The following NUBPL variants were observed in gnomAD, a reference collection of about 807,000 sequenced individuals.
NUBPL encodes NUBP iron-sulfur cluster assembly factor, mitochondrial, also known as iron-sulfur cluster transfer protein NUBPL.
In NUBPL, 31 loss-of-function variants were observed where a neutral mutation model predicts 45.7. The ratio of observed to expected loss-of-function variants is 0.68; its 90% CI spans 0.51 to 0.92. The LOEUF is 0.92. Among genes scored for constraint, NUBPL ranks in the 40% least tolerant of loss-of-function variants. The pLI, the probability that NUBPL is intolerant of heterozygous loss-of-function variation, is 0.00. For missense variants in NUBPL, 401 were observed against 398.7 expected (o/e 1.01, Z -0.05); for synonymous variants, 144 against 140.9 (o/e 1.02, Z -0.15).
chr14:31,664,334 C>T (rs1171376402), intron 4 of NUBPL, among the ~76,000 whole-genome samples: 7 of 152,112 alleles, frequency 4.6e-5, no homozygotes, highest in Admixed American at 4.6e-4. Flanking sequence ...GGAATGCTTC[C>T]AGCTTTTGCC....
At chr14:31,811,642 G>T (rs1369409003) in intron 7 of NUBPL, among the ~76,000 whole-genome samples, 1 of 152,144 alleles carries the variant, frequency 6.6e-6, no homozygotes, top group Non-Finnish European at 1.5e-5. Flanking sequence ...GTCATTCTTT[G>T]TCCTGCTTTG....
intron 6 of NUBPL, among the ~76,000 whole-genome samples, chr14:31,783,841 T>C (rs111828105): frequency 6.6e-6 from 1 of 152,186 alleles, no homozygotes; most frequent in Non-Finnish European, 1.5e-5. Context: ...TTTAAAGAAA[T>C]AAGAAATTGA....
chr14:31,580,466 C>T (rs1339600395), intron 3 of NUBPL, among the ~76,000 whole-genome samples: 1 of 151,998 alleles, frequency 6.6e-6, no homozygotes, highest in Non-Finnish European at 1.5e-5. Context: ...TCTACAACAA[C>T]AAGTAGCTGG....
intron 4 of NUBPL, among the ~76,000 whole-genome samples, chr14:31,611,116 A>G (rs1056451689): frequency 2.0e-5 from 3 of 152,186 alleles, no homozygotes; most frequent in Non-Finnish European, 4.4e-5. Flanking sequence ...GGGACATCCA[A>G]ATTGGAAGGG....
chr14:31,844,877 A>G (rs1363167537), intron 8 of NUBPL: 6 of 152,344 alleles, frequency 3.9e-5, no homozygotes, highest in East Asian at 3.9e-4. Flanking sequence ...GCTCCTCATC[A>G]ATGAGAGAGT....
Position 31,679,752 on chromosome 14 carries a change from A to G in NUBPL, c.513+6178A>G, listed in dbSNP as rs553266609. Reference sequence around the variant, plus strand: ...CTGCTCTAGTTTCTTTTACTTTTCTATGTATTTTAGATTCAATTTGTGCAG... The same window carrying G: ...CTGCTCTAGTTTCTTTTACTTTTCTGTGTATTTTAGATTCAATTTGTGCAG... On this transcript the variant is annotated intron_variant, in intron 6 of 10. Coordinates refer to ENST00000281081, the MANE Select transcript of NUBPL (RefSeq NM_025152.3). Among the ~76,000 whole-genome samples the G allele has an allele frequency of 2.5e-3, 384 of 152,052 alleles. 1 individual carries two copies. Among genetic ancestry groups the G allele is most frequent in the African/African-American group, 8.5e-3 (351 of 41,484 alleles).
chr14:31,824,961 TCAGCCAATCTTAAC>T (rs1381637152), intron 7 of NUBPL, among the ~76,000 whole-genome samples: 1 of 152,206 alleles, frequency 6.6e-6, no homozygotes, highest in Non-Finnish European at 1.5e-5. Context: ...ATTCACGGAT[TCAGCCAATCTTAAC>T]CAGGCCTTTG....
chr14:31,726,423 T>TA (rs1351764317), intron 6 of NUBPL, among the ~76,000 whole-genome samples: 10 of 152,222 alleles, frequency 6.6e-5, no homozygotes, highest in Middle Eastern at 3.2e-3. Flanking sequence ...TTTTGGCTCA[T>TA]AAAAATAAAT....
At chr14:31,640,117 C>T (rs1004469589) in intron 4 of NUBPL, among the ~76,000 whole-genome samples, 2 of 152,250 alleles carry the variant, frequency 1.3e-5, no homozygotes, top group Non-Finnish European at 2.9e-5. Flanking sequence ...GTCAGGCACT[C>T]CCTAGTGAGA....
chr14:31,735,404 A>T (rs780955391), intron 6 of NUBPL, among the ~76,000 whole-genome samples: 28 of 152,204 alleles, frequency 1.8e-4, no homozygotes, highest in Non-Finnish European at 3.5e-4. Context: ...CCAAGGACGA[A>T]ACATACACAG....
At chr14:31,783,677 C>T (rs564710637) in intron 6 of NUBPL, among the ~76,000 whole-genome samples, 2 of 152,074 alleles carry the variant, frequency 1.3e-5, no homozygotes, top group South Asian at 2.1e-4. Flanking sequence ...ACCACCAGGC[C>T]CAGCTAATTG....
At chr14:31,620,924 G>C (rs1290584157) in intron 4 of NUBPL, among the ~76,000 whole-genome samples, 1 of 152,204 alleles carries the variant, frequency 6.6e-6, no homozygotes, top group Admixed American at 6.5e-5. Flanking sequence ...GGAGATGGGG[G>C]TTTTATCTAT....
intron 6 of NUBPL, among the ~76,000 whole-genome samples, chr14:31,745,904 G>A (rs2038388735): frequency 6.6e-6 from 1 of 151,908 alleles, no homozygotes; most frequent in Non-Finnish European, 1.5e-5. Flanking sequence ...CAAGGCCACA[G>A]GTGTCTCACG....
intron 4 of NUBPL, among the ~76,000 whole-genome samples, chr14:31,666,575 G>A (rs903525752): frequency 6.6e-6 from 1 of 152,008 alleles, no homozygotes; most frequent in South Asian, 2.1e-4. Flanking sequence ...GGTTAATATT[G>A]TTATGTGTGA....
At chr14:31,819,572 C>A (rs987738812) in intron 7 of NUBPL, among the ~76,000 whole-genome samples, 1 of 152,160 alleles carries the variant, frequency 6.6e-6, no homozygotes, top group Non-Finnish European at 1.5e-5. Context: ...CATCTGGAAT[C>A]ATCAGTTTTA....
chr14:31,656,233 G>A (rs1317816564), intron 4 of NUBPL, among the ~76,000 whole-genome samples: 1 of 152,178 alleles, frequency 6.6e-6, no homozygotes, highest in Non-Finnish European at 1.5e-5. Context: ...AGAGAATGTT[G>A]TGGCTGGTTT....
chr14:31,837,277 G>A (rs2040296734), intron 8 of NUBPL, among the ~76,000 whole-genome samples: 1 of 152,302 alleles, frequency 6.6e-6, no homozygotes, highest in Admixed American at 6.5e-5. Context: ...GCTTCAGTGA[G>A]CCGTGATCAC....
intron 6 of NUBPL, among the ~76,000 whole-genome samples, chr14:31,678,601 G>T (rs1566495506): frequency 6.6e-6 from 1 of 152,180 alleles, no homozygotes; most frequent in Non-Finnish European, 1.5e-5. Flanking sequence ...TGAGCCTGGA[G>T]TGGGGTCCTC....
At chr14:31,693,193 A>G (rs984490104) in intron 6 of NUBPL, among the ~76,000 whole-genome samples, 1 of 152,192 alleles carries the variant, frequency 6.6e-6, no homozygotes, top group Non-Finnish European at 1.5e-5. Context: ...ATTGTGAAAC[A>G]ATTCAGTGTT....
Sources: gnomAD v4.1 joint callset for allele counts (sites outside exome capture counted in the v4.1 genomes callset) on GRCh38, gnomAD v4.1.1 for gene constraint, MANE v1.5 for transcripts, NCBI Gene and HGNC (gene_info 2026-07-23, HGNC 2026-07-21) for gene names.